KCTD8: variants seen among roughly 807,000 people sequenced by gnomAD.
KCTD8 encodes the protein potassium channel tetramerization domain containing 8.
KCTD8 carries 27 observed loss-of-function variants against 31.5 expected under a neutral mutation model. That is an observed-to-expected ratio of 0.86 (90% CI 0.63 to 1.18). The LOEUF is 1.18. Ranked by LOEUF, KCTD8 falls within the 50% of genes most tolerant of loss-of-function variation. The pLI, the probability that KCTD8 is intolerant of heterozygous loss-of-function variation, is 0.00. For missense variants in KCTD8, 658 were observed against 647.7 expected (o/e 1.02, Z -0.17); for synonymous variants, 290 against 280.0 (o/e 1.04, Z -0.36).
chr4:44,186,697 C>A (rs1222995352), intron 1 of KCTD8, among the ~76,000 whole-genome samples: 2 of 152,196 alleles, frequency 1.3e-5, no homozygotes, highest in African/African-American at 2.4e-5. Context: ...AGTGAGTCAC[C>A]CCCGCATCAC....
intron 1 of KCTD8, among the ~76,000 whole-genome samples, chr4:44,378,435 T>A (rs1159903276): frequency 6.6e-6 from 1 of 151,534 alleles, no homozygotes; most frequent in Admixed American, 6.6e-5. Flanking sequence ...GTTGTGCATA[T>A]GTACCCTAGA....
intron 1 of KCTD8, among the ~76,000 whole-genome samples, chr4:44,361,007 C>A (rs994937480): frequency 6.6e-6 from 1 of 151,950 alleles, no homozygotes; most frequent in African/African-American, 2.4e-5. Flanking sequence ...CCCTGAGAGC[C>A]ATCATTAAAA....
intron 1 of KCTD8, among the ~76,000 whole-genome samples, chr4:44,218,442 C>T (rs981452373): frequency 4.6e-5 from 7 of 151,334 alleles, no homozygotes; most frequent in Admixed American, 1.3e-4. Context: ...TCTAAAATAT[C>T]GTAAAGAATG....
chr4:44,316,603 A>G (rs139502483), intron 1 of KCTD8, among the ~76,000 whole-genome samples: 2 of 152,088 alleles, frequency 1.3e-5, no homozygotes, highest in East Asian at 1.9e-4. Context: ...CAATTTCTAT[A>G]GAAATATTGA....
At chr4:44,323,503 C>CCA (rs1286712798) in intron 1 of KCTD8, among the ~76,000 whole-genome samples, 1 of 127,962 alleles carries the variant, frequency 7.8e-6, no homozygotes, top group Non-Finnish European at 1.7e-5. Flanking sequence ...CCCACCCACC[C>CCA]CCCCCCAAAA....
intron 1 of KCTD8, among the ~76,000 whole-genome samples, chr4:44,348,320 CAATGTAACATCGA>C (rs1288505636): frequency 6.6e-6 from 1 of 152,080 alleles, no homozygotes; most frequent in African/African-American, 2.4e-5. Flanking sequence ...ATGCCGCTAT[CAATGTAACATCGA>C]TCTGAAAGTC....
chr4:44,414,521 A>G (rs560144979), intron 1 of KCTD8, among the ~76,000 whole-genome samples: 4 of 152,120 alleles, frequency 2.6e-5, no homozygotes, highest in Non-Finnish European at 5.9e-5. Context: ...TCCTGAGACC[A>G]TTTAACAAGA....
At chr4:44,391,267 C>T (rs1056289600) in intron 1 of KCTD8, among the ~76,000 whole-genome samples, 1 of 151,850 alleles carries the variant, frequency 6.6e-6, no homozygotes, top group Admixed American at 6.6e-5. Flanking sequence ...TCAGAAATCA[C>T]CACTAAATAA....
At chr4:44,241,418 C>A (rs1017948868) in intron 1 of KCTD8, among the ~76,000 whole-genome samples, 1 of 152,198 alleles carries the variant, frequency 6.6e-6, no homozygotes, top group African/African-American at 2.4e-5. Flanking sequence ...CACGCACATT[C>A]GTTCAGACCT....
At chr4:44,220,399 C>T (rs895566747) in intron 1 of KCTD8, among the ~76,000 whole-genome samples, 4 of 152,146 alleles carry the variant, frequency 2.6e-5, no homozygotes, top group African/African-American at 9.7e-5. Flanking sequence ...TTGAAGAGTT[C>T]ACCAATATTT....
intron 1 of KCTD8, among the ~76,000 whole-genome samples, chr4:44,349,771 A>T (rs1159338472): frequency 1.3e-5 from 2 of 152,166 alleles, no homozygotes; most frequent in African/African-American, 4.8e-5. Flanking sequence ...GATTGTATCA[A>T]GGCCTATATT....
At chr4:44,401,804 C>T (rs1282319278) in intron 1 of KCTD8, among the ~76,000 whole-genome samples, 8 of 152,324 alleles carry the variant, frequency 5.3e-5, no homozygotes, top group Non-Finnish European at 1.2e-4. Context: ...CTCTTATTCT[C>T]ATTCCTTAAT....
intron 1 of KCTD8, among the ~76,000 whole-genome samples, chr4:44,427,923 G>T (rs909861594): frequency 2.0e-5 from 3 of 151,616 alleles, no homozygotes; most frequent in African/African-American, 7.3e-5. Flanking sequence ...ACCTTAATAT[G>T]AAAAATAAAA....
chr4:44,320,192 AAAAAAAAGAG>A (rs1718258292), intron 1 of KCTD8, among the ~76,000 whole-genome samples: 1 of 148,604 alleles, frequency 6.7e-6, no homozygotes, highest in African/African-American at 2.5e-5. Context: ...AAAAAAAAAA[AAAAAAAAGAG>A]AGAGAGAATT....
intron 1 of KCTD8, among the ~76,000 whole-genome samples, chr4:44,445,273 C>T (rs533622882): frequency 6.6e-6 from 1 of 152,266 alleles, no homozygotes; most frequent in South Asian, 2.1e-4. Context: ...TTACATCCAA[C>T]ATTTAAAATG....
chr4:44,196,642 C>T (rs1473433563), intron 1 of KCTD8, among the ~76,000 whole-genome samples: 4 of 152,264 alleles, frequency 2.6e-5, no homozygotes, highest in South Asian at 4.1e-4. Context: ...AACTGGGCAG[C>T]CACCCACCTG....
At chr4:44,259,487 C>T (rs1716100528) in intron 1 of KCTD8, among the ~76,000 whole-genome samples, 1 of 151,810 alleles carries the variant, frequency 6.6e-6, no homozygotes, top group East Asian at 1.9e-4. Flanking sequence ...TAGTAAGATC[C>T]ATTTAGTTCA....
rs59061396 is a variant in KCTD8 at position 44,344,171 on chromosome 4, T to TTTAA, written c.961+103388_961+103391dup. On this transcript the variant is annotated intron_variant, in intron 1 of 1. Coordinates refer to ENST00000360029, the MANE Select transcript of KCTD8 (RefSeq NM_198353.3). The stretch of plus-strand genomic sequence containing the variant: ...CACGCCTAGCCCACATTACAGGTTT[T>TTTAA]TTAATTAATTAATTAATTAATTAAG... 8.4e-3 allele frequency among the ~76,000 whole-genome samples: 1,273 copies of TTTAA among 151,988 alleles called. 15 individuals carry two copies. The highest frequency in any genetic ancestry group is 0.028 in the African/African-American group (1,146 of 41,408).
chr4:44,400,356 T>A (rs542712780), intron 1 of KCTD8, among the ~76,000 whole-genome samples: 8 of 151,988 alleles, frequency 5.3e-5, no homozygotes, highest in Non-Finnish European at 1.2e-4. Context: ...AGTATGATAT[T>A]CCTGTCTCCT....
Sources: gnomAD v4.1 joint callset for allele counts (sites outside exome capture counted in the v4.1 genomes callset) on GRCh38, gnomAD v4.1.1 for gene constraint, MANE v1.5 for transcripts, NCBI Gene and HGNC (gene_info 2026-07-23, HGNC 2026-07-21) for gene names.